The following GNG2 variants were observed in gnomAD, a reference collection of about 807,000 sequenced individuals.
GNG2 encodes the protein G protein subunit gamma 2.
GNG2 carries 5 observed loss-of-function variants against 5.5 expected under a neutral mutation model. The ratio of observed to expected loss-of-function variants is 0.91; its 90% CI spans 0.48 to 1.92. The LOEUF is 1.92. Ranked by LOEUF, GNG2 falls within the 30% of genes most tolerant of loss-of-function variation. The pLI, the probability that GNG2 is intolerant of heterozygous loss-of-function variation, is 0.01. For synonymous variants in GNG2, 28 were observed against 32.0 expected (o/e 0.88, Z 0.42); for missense variants, 55 against 88.4 (o/e 0.62, Z 1.52).
chr14:51,839,806 T>C (rs1170474842), intron 2 of GNG2, among the ~76,000 whole-genome samples: 1 of 152,190 alleles, frequency 6.6e-6, no homozygotes, highest in Non-Finnish European at 1.5e-5. Flanking sequence ...GAGCAAGATG[T>C]ACCACAACAT....
chr14:51,874,958 GATC>G (rs1308173878), intron 1 of GNG2, among the ~76,000 whole-genome samples: 1 of 151,908 alleles, frequency 6.6e-6, no homozygotes, highest in Non-Finnish European at 1.5e-5. Context: ...GTTTTTTTCT[GATC>G]ATCAAAGTAA....
intron 2 of GNG2, among the ~76,000 whole-genome samples, chr14:51,851,100 G>A (rs772638728): frequency 6.6e-6 from 1 of 152,198 alleles, no homozygotes; most frequent in Non-Finnish European, 1.5e-5. Context: ...AGGAACATTT[G>A]CACCCAAATC....
At chr14:51,900,857 A>C (rs933496914) in intron 2 of GNG2, among the ~76,000 whole-genome samples, 1 of 152,150 alleles carries the variant, frequency 6.6e-6, no homozygotes, top group Non-Finnish European at 1.5e-5. Flanking sequence ...AAATGTATCC[A>C]TCCTTTATAT....
At position 51,917,084 on chromosome 14, in the gene GNG2, A is replaced by C. The variant is rs192393717; in HGVS notation, c.-29-33566A>C. On this transcript the variant is annotated intron_variant, in intron 2 of 3. Transcript: ENST00000556766. ...AGCATGACTGTGGCTAGAGGGGAGG[A>C]TGTAGGAGTTAGGAAAAACGCGATT... Among the ~76,000 whole-genome samples, 694 of 152,184 alleles carry C rather than the reference A, an allele frequency of 4.6e-3. 3 individuals are homozygous for C. Among genetic ancestry groups the C allele is most frequent in the South Asian group, 0.017 (82 of 4,814 alleles).
chr14:51,921,676 C>T lies in GNG2; in HGVS notation c.-29-28974C>T, dbSNP rs142535748. Among the ~76,000 whole-genome samples the T allele has an allele frequency of 6.6e-4, 101 of 152,270 alleles. 1 individual carries two copies. Among genetic ancestry groups the T allele is most frequent in the South Asian group, 4.6e-3 (22 of 4,818 alleles). On this transcript the variant is annotated intron_variant, in intron 2 of 3. Coordinates refer to ENST00000556766, the MANE Select transcript of GNG2 (RefSeq NM_053064.5). Reference sequence around the variant, plus strand: ...TTACTTCATAATGCTTTCACACCTGCGGCCAGGACAACAAAGCAGGAGAAA... The same window carrying T: ...TTACTTCATAATGCTTTCACACCTGTGGCCAGGACAACAAAGCAGGAGAAA...
At chr14:51,929,826 G>A (rs7152919) in intron 2 of GNG2, among the ~76,000 whole-genome samples, 65,474 of 151,998 alleles carry the variant, frequency 0.43, 14,559 homozygotes, top group Non-Finnish European at 0.48. Flanking sequence ...CAGTTGTGGC[G>A]CAGGCTGCTC....
In GNG2 at chr14:51,942,595, T is replaced by TCTTTCTTTCTTTCTTTCTTTCTTTCTTTC. The variant is rs1413000965; in HGVS notation, c.-29-8055_-29-8054insCTTTCTTTCTTTCTTTCTTTCTTTCTTTC. ...TCTCTTTCTTTCTTTCTTTCTTTTT[T>TCTTTCTTTCTTTCTTTCTTTCTTTCTTTC]TTTTTTTTTTTAGAGACAGGGACTC... On this transcript the variant is annotated intron_variant, in intron 2 of 3. Coordinates refer to ENST00000556766, the MANE Select transcript of GNG2 (RefSeq NM_053064.5). 1.8e-3 allele frequency among the ~76,000 whole-genome samples: 228 copies of TCTTTCTTTCTTTCTTTCTTTCTTTCTTTC among 125,326 alleles called. 1 individual carries two copies. Among genetic ancestry groups the TCTTTCTTTCTTTCTTTCTTTCTTTCTTTC allele is most frequent in the Non-Finnish European group, 2.4e-3 (140 of 58,682 alleles). 82.2% of individuals were successfully genotyped at this position (125,326 alleles called of 152,430 possible). A position where few individuals can be genotyped will look rare whatever the true frequency, so the allele number is the denominator to read the frequency against.
At position 51,967,563 on chromosome 14, in the gene GNG2, AGTATTTTGAAAATT is replaced by A. The variant is rs999567022; in HGVS notation, c.*878_*891del. ...GACCCCGGAGAGGGAAGAAAATCTCAGTATTTTGAAAATTGAGATTACTTCAGAGCCTTAGCCAC... is the reference window on the plus strand; with the variant it reads ...GACCCCGGAGAGGGAAGAAAATCTCAGAGATTACTTCAGAGCCTTAGCCAC... On this transcript the variant is annotated 3_prime_UTR_variant, in exon 4 of 4. Transcript: ENST00000556766. The A allele has an allele frequency of 6.6e-6, 1 of 152,156 alleles. No individual in the cohort carries two copies. Among genetic ancestry groups the A allele is most frequent in the Non-Finnish European group, 1.5e-5 (1 of 68,014 alleles). 9.4% of individuals were successfully genotyped at this position (152,156 alleles called of 1,614,324 possible).
chr14:51,846,828 C>T (rs1881641505), intron 2 of GNG2, among the ~76,000 whole-genome samples: 1 of 152,256 alleles, frequency 6.6e-6, no homozygotes, highest in African/African-American at 2.4e-5. Context: ...ACAATTGCTT[C>T]CTTCCCTCCA....
intron 2 of GNG2, among the ~76,000 whole-genome samples, chr14:51,895,055 CAATG>C (rs1490739955): frequency 7.3e-6 from 1 of 137,820 alleles, no homozygotes; most frequent in Non-Finnish European, 1.6e-5. Context: ...AAAAAAAAAA[CAATG>C]AACTTTAAAA....
At chr14:51,857,133 G>A (rs1359012636), upstream of GNG2, among the ~76,000 whole-genome samples, 2 of 152,144 alleles carry the variant, frequency 1.3e-5, no homozygotes, top group Non-Finnish European at 2.9e-5. Context: ...GAAAATAATG[G>A]CTTTAGTGCT....
At chr14:51,914,443 T>A (rs975643444) in intron 2 of GNG2, among the ~76,000 whole-genome samples, 2 of 152,228 alleles carry the variant, frequency 1.3e-5, no homozygotes, top group Non-Finnish European at 2.9e-5. Context: ...GGGATTAGAA[T>A]GAATGCTGTT....
chr14:51,958,464 C>A (rs1264607553), intron 3 of GNG2, among the ~76,000 whole-genome samples: 1 of 130,220 alleles, frequency 7.7e-6, no homozygotes, highest in East Asian at 2.6e-4. Context: ...ATATTTCTTT[C>A]TATATCTGTA....
At chr14:51,937,073 G>A (rs939730112) in intron 2 of GNG2, among the ~76,000 whole-genome samples, 1 of 152,148 alleles carries the variant, frequency 6.6e-6, no homozygotes, top group Non-Finnish European at 1.5e-5. Flanking sequence ...CAAGTAAAAG[G>A]AAAGGTTGCT....
At chr14:51,833,942 G>A (rs1398197418) in intron 2 of GNG2, among the ~76,000 whole-genome samples, 1 of 151,478 alleles carries the variant, frequency 6.6e-6, no homozygotes, top group East Asian at 1.9e-4. Context: ...ATAGCTTACA[G>A]TAGGTGTCTT....
intron 2 of GNG2, among the ~76,000 whole-genome samples, chr14:51,928,026 C>CTT (rs35561589): frequency 1.5e-3 from 158 of 103,042 alleles, no homozygotes; most frequent in Non-Finnish European, 1.8e-3. Context: ...CTCTCTCTCT[C>CTT]TTTTTTTTTT....
At chr14:51,892,804 G>C (rs1387097565) in intron 2 of GNG2, among the ~76,000 whole-genome samples, 1 of 152,090 alleles carries the variant, frequency 6.6e-6, no homozygotes, top group East Asian at 1.9e-4. Context: ...CATATGTTGG[G>C]TTGCAATTTA....
At chr14:51,876,613 T>C (rs950005367) in intron 1 of GNG2, among the ~76,000 whole-genome samples, 2 of 152,174 alleles carry the variant, frequency 1.3e-5, no homozygotes, top group African/African-American at 4.8e-5. Context: ...CCCTTGGCTT[T>C]TTTTTTTCTT....
chr14:51,959,689 C>A (rs576885034), intron 3 of GNG2, among the ~76,000 whole-genome samples: 1 of 150,808 alleles, frequency 6.6e-6, no homozygotes. Flanking sequence ...AATGGGTCAC[C>A]ATTTATTTTA....
Sources: gnomAD v4.1 joint callset for allele counts (sites outside exome capture counted in the v4.1 genomes callset) on GRCh38, gnomAD v4.1.1 for gene constraint, MANE v1.5 for transcripts, NCBI Gene and HGNC (gene_info 2026-07-23, HGNC 2026-07-21) for gene names.